The following ARHGAP32 variants were observed in gnomAD, a reference collection of about 807,000 sequenced individuals.
The protein encoded by ARHGAP32 is Rho GTPase activating protein 32.
In ARHGAP32, 51 loss-of-function variants were observed where a neutral mutation model predicts 186.5. The observed-to-expected ratio is 0.27, with a 90% CI of 0.22 to 0.35. ARHGAP32 has a LOEUF of 0.35. Ranked by LOEUF, ARHGAP32 falls within the 10% of genes least tolerant of loss-of-function variation. The probability of loss-of-function intolerance (pLI) is 1.00; values close to 1 mark genes in which losing one functional copy is unlikely to be tolerated. For synonymous variants in ARHGAP32, 950 were observed against 964.3 expected (o/e 0.99, Z 0.27); for missense variants, 2,186 against 2,623.5 (o/e 0.83, Z 3.64).
Position 129,111,247 on chromosome 11 carries a change from C to T in ARHGAP32, c.444+12199G>A, listed in dbSNP as rs151162156. Among the ~76,000 whole-genome samples, 16 of 152,312 alleles carry T rather than the reference C, an allele frequency of 1.1e-4. No homozygotes were observed. The East Asian group carries it at 3.1e-3, about 29-fold the overall frequency. ...GTTTATTGATTTGTGTATGTCAAAA[C>T]ATCTTTGCATCCCTGGAATAAATTC... On this transcript the variant is annotated intron_variant, in intron 5 of 22. Transcript: ENST00000682385.
At chr11:129,049,452 A>C (rs1939947417) in intron 10 of ARHGAP32, among the ~76,000 whole-genome samples, 1 of 152,208 alleles carries the variant, frequency 6.6e-6, no homozygotes, top group Non-Finnish European at 1.5e-5. Context: ...AACACCCATG[A>C]AACTATTACC....
chr11:129,277,779 G>C (rs1475384413), intron 1 of ARHGAP32, among the ~76,000 whole-genome samples: 1 of 152,128 alleles, frequency 6.6e-6, no homozygotes, highest in Non-Finnish European at 1.5e-5. Context: ...ACATCCTAAT[G>C]CCTCATCTTC....
At chr11:129,054,277 G>A (rs1013419364) in intron 10 of ARHGAP32, among the ~76,000 whole-genome samples, 1 of 152,118 alleles carries the variant, frequency 6.6e-6, no homozygotes, top group Non-Finnish European at 1.5e-5. Flanking sequence ...CTTTACGGAA[G>A]ATTTTCTGAG....
chr11:129,083,322 C>T (rs544370868), intron 6 of ARHGAP32, among the ~76,000 whole-genome samples: 1 of 152,298 alleles, frequency 6.6e-6, no homozygotes, highest in East Asian at 1.9e-4. Flanking sequence ...AAAATGGAAG[C>T]AGCCCAAATG....
At chr11:129,000,499 G>A (rs751293754) in intron 11 of ARHGAP32, among the ~76,000 whole-genome samples, 1 of 152,014 alleles carries the variant, frequency 6.6e-6, no homozygotes, top group Non-Finnish European at 1.5e-5. Context: ...ATTTTCATGG[G>A]TACACAGTAG....
chr11:129,238,297 C>T (rs1379850032), intron 1 of ARHGAP32, among the ~76,000 whole-genome samples: 1 of 152,128 alleles, frequency 6.6e-6, no homozygotes, highest in African/African-American at 2.4e-5. Flanking sequence ...TAATTCCTAA[C>T]CATTAACCCA....
chr11:129,058,262 C>A (rs1471486153), intron 10 of ARHGAP32, among the ~76,000 whole-genome samples: 1 of 150,074 alleles, frequency 6.7e-6, no homozygotes, highest in Non-Finnish European at 1.5e-5. Flanking sequence ...ATCTCATATA[C>A]AATCATATAT....
chr11:129,204,460 T>C (rs2135580898), intron 1 of ARHGAP32, among the ~76,000 whole-genome samples: 1 of 152,308 alleles, frequency 6.6e-6, no homozygotes, highest in East Asian at 1.9e-4. Flanking sequence ...TTTTCATGCT[T>C]GAAAAGCTCA....
At chr11:129,187,913 GGGTTTTTTTGTTTT>G (rs1944195338) in intron 1 of ARHGAP32, among the ~76,000 whole-genome samples, 1 of 151,772 alleles carries the variant, frequency 6.6e-6, no homozygotes. Flanking sequence ...ACAGTTAATT[GGGTTTTTTTGTTTT>G]GGTTTTTTTG....
At chr11:129,049,896 G>A (rs1304824176) in intron 10 of ARHGAP32, among the ~76,000 whole-genome samples, 1 of 152,136 alleles carries the variant, frequency 6.6e-6, no homozygotes. Flanking sequence ...TAGATCGTGT[G>A]GTAAGTGTAC....
chr11:129,095,741 G>A (rs1447839652), intron 5 of ARHGAP32, among the ~76,000 whole-genome samples: 1 of 152,228 alleles, frequency 6.6e-6, no homozygotes, highest in Non-Finnish European at 1.5e-5. Context: ...GGGGAAGAGT[G>A]CTCTCCAGAG....
At chr11:129,133,137 G>A (rs1942853533) in intron 2 of ARHGAP32, among the ~76,000 whole-genome samples, 1 of 152,114 alleles carries the variant, frequency 6.6e-6, no homozygotes, top group African/African-American at 2.4e-5. Context: ...GTAAGCAGGG[G>A]GAAGAGTGAG....
chr11:129,154,769 T>G (rs780893185), intron 2 of ARHGAP32, among the ~76,000 whole-genome samples: 4 of 152,074 alleles, frequency 2.6e-5, no homozygotes, highest in Non-Finnish European at 4.4e-5. Context: ...AGACTATACA[T>G]CGGGTACAAT....
At chr11:128,988,185 C>A in intron 12 of ARHGAP32, 60 bp from the exon 13 acceptor site, 7 of 1,246,948 alleles carry the variant, frequency 5.6e-6, no homozygotes, top group South Asian at 3.0e-5. Context: ...CCAAAGTTGC[C>A]AAAAAATAAG....
chr11:129,047,845 T>G (rs1484255322), intron 10 of ARHGAP32, among the ~76,000 whole-genome samples: 1 of 152,216 alleles, frequency 6.6e-6, no homozygotes. Context: ...TGCTATGATT[T>G]TGGAACTAGT....
Position 129,124,789 on chromosome 11 carries a change from A to G in ARHGAP32, c.317+14T>C. On this transcript the variant is annotated intron_variant, in intron 3 of 22. Transcript: ENST00000682385. Reference sequence around the variant, plus strand: ...TAGGAATTCATTTAGAATCCACTGTAAAGTTATACTCACTTTTTCACATGC... The same window carrying G: ...TAGGAATTCATTTAGAATCCACTGTGAAGTTATACTCACTTTTTCACATGC... 1 of 1,569,026 alleles carries G rather than the reference A, an allele frequency of 6.4e-7. No homozygotes were observed. Among genetic ancestry groups the G allele is most frequent in the Non-Finnish European group, 8.7e-7 (1 of 1,153,612 alleles).
intron 1 of ARHGAP32, among the ~76,000 whole-genome samples, chr11:129,208,814 C>G (rs1944546432): frequency 6.6e-6 from 1 of 151,924 alleles, no homozygotes; most frequent in Non-Finnish European, 1.5e-5. Context: ...ATTTGACATA[C>G]TGCAAAGAAA....
chr11:129,117,494 C>T lies in ARHGAP32; in HGVS notation c.444+5952G>A, dbSNP rs1007038565. ...CAGGTCAAACTTTACTACTTCTTTC[C>T]GCCTTCCCAGCATCAAGGCAGAAAT... On this transcript the variant is annotated intron_variant, in intron 5 of 22. Transcript: ENST00000682385. Among the ~76,000 whole-genome samples the T allele has an allele frequency of 2.6e-5, 4 of 151,894 alleles. 1 individual carries two copies. Among genetic ancestry groups the T allele is most frequent in the Admixed American group, 2.0e-4 (3 of 15,216 alleles).
chr11:129,071,534 CT>C (rs1940866617), intron 6 of ARHGAP32, among the ~76,000 whole-genome samples: 2 of 151,908 alleles, frequency 1.3e-5, no homozygotes, highest in African/African-American at 2.4e-5. Flanking sequence ...GTCAAAATGG[CT>C]ATTATCAAAA....
Sources: allele counts gnomAD v4.1 joint callset (sites outside exome capture counted in the v4.1 genomes callset), GRCh38; gene constraint gnomAD v4.1.1; transcripts MANE v1.5; gene names NCBI Gene and HGNC (gene_info 2026-07-23, HGNC 2026-07-21).